Variants in TEAD1 observed in about 807,000 individuals in gnomAD.
The protein encoded by TEAD1 is transcriptional enhancer factor TEF-1.
In TEAD1, 9 loss-of-function variants were observed where a neutral mutation model predicts 54.9. That is an observed-to-expected ratio of 0.16 (90% CI 0.10 to 0.29). The LOEUF (loss-of-function observed/expected upper bound fraction) is 0.29. Ranked by LOEUF, TEAD1 falls within the 10% of genes least tolerant of loss-of-function variation. TEAD1 has a pLI of 1.00. For missense variants in TEAD1, 387 were observed against 535.9 expected (o/e 0.72, Z 2.74); for synonymous variants, 200 against 187.8 (o/e 1.07, Z -0.53).
chr11:12,857,998 G>GGA (rs1424870777), intron 3 of TEAD1, among the ~76,000 whole-genome samples: 2 of 152,156 alleles, frequency 1.3e-5, no homozygotes, highest in African/African-American at 4.8e-5. Context: ...CGTGCTACTT[G>GGA]GAGAGCTAAG....
intron 3 of TEAD1, among the ~76,000 whole-genome samples, chr11:12,803,672 G>A (rs996040005): frequency 2.6e-5 from 4 of 152,188 alleles, no homozygotes; most frequent in Non-Finnish European, 5.9e-5. Flanking sequence ...AAGACAGGAG[G>A]CAGATGGGAA....
intron 2 of TEAD1, among the ~76,000 whole-genome samples, chr11:12,687,700 C>G (rs531830060): frequency 6.6e-5 from 10 of 152,268 alleles, no homozygotes; most frequent in Non-Finnish European, 1.0e-4. Context: ...ATTTTACTCC[C>G]TCTTACAAAC....
At chr11:12,689,772 A>G (rs2133822167) in intron 2 of TEAD1, among the ~76,000 whole-genome samples, 1 of 152,264 alleles carries the variant, frequency 6.6e-6, no homozygotes, top group South Asian at 2.1e-4. Context: ...AGCAGCAATC[A>G]TCACCTCATG....
intron 5 of TEAD1, among the ~76,000 whole-genome samples, chr11:12,870,315 G>A (rs1328703668): frequency 6.6e-6 from 1 of 152,164 alleles, no homozygotes; most frequent in Non-Finnish European, 1.5e-5. Flanking sequence ...GACCCTGACT[G>A]CAGAGGAGAG....
intron 2 of TEAD1, among the ~76,000 whole-genome samples, chr11:12,730,973 A>T (rs1209798590): frequency 6.6e-6 from 1 of 152,058 alleles, no homozygotes; most frequent in African/African-American, 2.4e-5. Context: ...AAGTGCTGGG[A>T]TTACAGGCAT....
At chr11:12,795,823 A>G (rs1378061847) in intron 3 of TEAD1, among the ~76,000 whole-genome samples, 1 of 152,202 alleles carries the variant, frequency 6.6e-6, no homozygotes, top group South Asian at 2.1e-4. Context: ...CTGATTGCAT[A>G]TTAGATTGCT....
At chr11:12,763,342 A>G (rs191291379) in intron 2 of TEAD1, among the ~76,000 whole-genome samples, 4 of 152,340 alleles carry the variant, frequency 2.6e-5, no homozygotes, top group Admixed American at 2.6e-4. Context: ...GGAGTGCTCC[A>G]TGTCAATAGA....
At chr11:12,711,167 C>T (rs1286687737) in intron 2 of TEAD1, among the ~76,000 whole-genome samples, 4 of 152,058 alleles carry the variant, frequency 2.6e-5, no homozygotes, top group African/African-American at 2.4e-5. Context: ...AAGAGAAAGA[C>T]GAGAGTCAGG....
At chr11:12,766,184 C>G (rs906384371) in intron 3 of TEAD1, among the ~76,000 whole-genome samples, 2 of 152,188 alleles carry the variant, frequency 1.3e-5, no homozygotes, top group African/African-American at 4.8e-5. Context: ...AGGTCCTGTC[C>G]TTTCAGGAAT....
chr11:12,686,716 A>G (rs2133818436), intron 2 of TEAD1, among the ~76,000 whole-genome samples: 1 of 152,318 alleles, frequency 6.6e-6, no homozygotes, highest in South Asian at 2.1e-4. Context: ...ATGCACCTAA[A>G]TAGATAAGCC....
intron 2 of TEAD1, among the ~76,000 whole-genome samples, chr11:12,704,165 C>A (rs978845381): frequency 6.6e-6 from 1 of 152,128 alleles, no homozygotes. Context: ...CTCCATATAC[C>A]TAGGCTAGAG....
At chr11:12,812,965 CT>C (rs1946336466) in intron 3 of TEAD1, among the ~76,000 whole-genome samples, 2 of 152,210 alleles carry the variant, frequency 1.3e-5, no homozygotes, top group Admixed American at 6.5e-5. Context: ...AGGCAAGGGT[CT>C]GTGGTTAGTG....
intron 2 of TEAD1, among the ~76,000 whole-genome samples, chr11:12,706,128 G>A (rs1943808896): frequency 1.3e-5 from 2 of 152,206 alleles, no homozygotes; most frequent in African/African-American, 4.8e-5. Flanking sequence ...GAAATATTGC[G>A]TAAATATGTT....
chr11:12,924,689 A>G (rs1948877133), intron 10 of TEAD1, among the ~76,000 whole-genome samples: 1 of 152,182 alleles, frequency 6.6e-6, no homozygotes. Flanking sequence ...AAGTAAAACA[A>G]AATTGATACT....
chr11:12,931,564 T>TTTTTG (rs964368293), intron 12 of TEAD1, among the ~76,000 whole-genome samples: 6 of 152,160 alleles, frequency 3.9e-5, no homozygotes, highest in South Asian at 2.1e-4. Context: ...GTGTTCTGTT[T>TTTTTG]TTTTGTTTTG....
At chr11:12,684,748 T>C (rs1943298393) in intron 2 of TEAD1, among the ~76,000 whole-genome samples, 1 of 152,168 alleles carries the variant, frequency 6.6e-6, no homozygotes, top group Non-Finnish European at 1.5e-5. Flanking sequence ...GGCCATTTGT[T>C]TCTCTCAGTA....
intron 10 of TEAD1, among the ~76,000 whole-genome samples, chr11:12,923,870 C>T (rs763415703): frequency 1.3e-5 from 2 of 152,180 alleles, no homozygotes; most frequent in Non-Finnish European, 2.9e-5. Flanking sequence ...GGGGTTTAAG[C>T]TTCCAATGCA....
chr11:12,936,660 A>G (rs1949105890), intron 12 of TEAD1, among the ~76,000 whole-genome samples: 1 of 152,236 alleles, frequency 6.6e-6, no homozygotes, highest in Non-Finnish European at 1.5e-5. Context: ...ATTGTAGCCC[A>G]TAAATATATG....
chr11:12,711,684 C>T (rs561676544), intron 2 of TEAD1, among the ~76,000 whole-genome samples: 1 of 152,320 alleles, frequency 6.6e-6, no homozygotes, highest in African/African-American at 2.4e-5. Flanking sequence ...CCTTTACCCT[C>T]TGGGGGTTTT....
Sources: gnomAD v4.1 joint callset for allele counts (sites outside exome capture counted in the v4.1 genomes callset) on GRCh38, gnomAD v4.1.1 for gene constraint, MANE v1.5 for transcripts, NCBI Gene and HGNC (gene_info 2026-07-23, HGNC 2026-07-21) for gene names.